The following FBXO9 variants were observed in gnomAD, a reference collection of about 807,000 sequenced individuals.
FBXO9 encodes F-box only protein 9.
Under a neutral mutation model 63.7 loss-of-function variants are expected in FBXO9, and 43 were observed. The ratio of observed to expected loss-of-function variants is 0.67; its 90% CI spans 0.53 to 0.87. The LOEUF is 0.87. Among genes scored for constraint, FBXO9 ranks in the 40% least tolerant of loss-of-function variants. The probability of loss-of-function intolerance (pLI) is 0.00; values close to 1 mark genes in which losing one functional copy is unlikely to be tolerated. For missense variants in FBXO9, 442 were observed against 533.2 expected, an observed-to-expected ratio of 0.83 and a Z score of 1.68; for synonymous variants, 156 against 171.7, an observed-to-expected ratio of 0.91 and a Z score of 0.72.
chr6:53,071,124 C>T lies in FBXO9; in HGVS notation c.71C>T (p.Pro24Leu). The part of the protein sequence containing the change: ...RADDDEENES[P>L]AETDLQAQLQ... ...GATGATGATGAAGAAAATGAAAGTC[C>T]TGCTGAAACAGATCTGCAGGCATGT... The change falls in exon 2 of 13, where the codon CCT (proline) becomes CTT (leucine). Residue 24 changes from proline to leucine, a missense_variant. Physicochemically the swap from Pro to Leu is moderately conservative, Grantham distance 98 (BLOSUM62 -3). Around this residue, in one of 2 missense-constraint regions of FBXO9, gnomAD observed 180 missense variants for 171.1 expected, o/e 1.05. Coordinates refer to ENST00000323557, the MANE Select transcript of FBXO9 (RefSeq NM_033480.3). 1 of 1,563,716 alleles carries T rather than the reference C, an allele frequency of 6.4e-7. No homozygotes were observed. Among genetic ancestry groups the T allele is most frequent in the South Asian group, 1.2e-5 (1 of 84,888 alleles).
chr6:53,066,792 G>A (rs1768718411), intron 1 of FBXO9, among the ~76,000 whole-genome samples: 1 of 152,186 alleles, frequency 6.6e-6, no homozygotes, highest in South Asian at 2.1e-4. Context: ...TCAAGTGAAG[G>A]TGATATTTAG....
Position 53,073,606 on chromosome 6 carries a change from C to T in FBXO9, c.216C>T (p.Thr72=), listed in dbSNP as rs898970767. 1 of 1,602,990 alleles carries T rather than the reference C, an allele frequency of 6.2e-7. No individual in the cohort carries two copies. The highest frequency in any genetic ancestry group is 1.3e-5 in the African/African-American group (1 of 74,540). ...RGSLQKTSAD[T]KGKQEQAKEE... The stretch of plus-strand genomic sequence containing the variant: ...CTCTCCAGAAAACATCGGCAGATAC[C>T]AAAGGAAAACAAGAACAGGCAAAAG... Residue 72 remains threonine (T), a synonymous_variant, in exon 3 of 13, where the codon ACC becomes ACT. Coordinates refer to ENST00000323557, the MANE Select transcript of FBXO9 (RefSeq NM_033480.3).
chr6:53,089,679 CA>C (rs1354123679), intron 7 of FBXO9, among the ~76,000 whole-genome samples: 1 of 152,108 alleles, frequency 6.6e-6, no homozygotes, highest in African/African-American at 2.4e-5. Context: ...CCAGGAAAGA[CA>C]AAAAGTTTAT....
chr6:53,080,626 G>T (rs115120757), intron 5 of FBXO9, among the ~76,000 whole-genome samples: 2 of 152,212 alleles, frequency 1.3e-5, no homozygotes, highest in Non-Finnish European at 2.9e-5. Context: ...ATAAATTAAG[G>T]TTAAAGAACA....
In FBXO9 at chr6:53,089,115, C is replaced by T. The variant is rs879055299; in HGVS notation, c.654-3314C>T. ...TCCAGGCGGAGTGTCGCTCTGCCGC[C>T]CAGGCTGCAGGTGCAGTGGTGCCAT... On this transcript the variant is annotated intron_variant, in intron 7 of 12. Coordinates refer to ENST00000323557, the MANE Select transcript of FBXO9 (RefSeq NM_033480.3). 2.0e-5 allele frequency among the ~76,000 whole-genome samples: 3 copies of T among 151,728 alleles called. No individual in the cohort carries two copies. The East Asian group carries it at 5.8e-4, about 29-fold the overall frequency.
Position 53,099,374 on chromosome 6 carries a change from C to G in FBXO9, c.*1544C>G, listed in dbSNP as rs1032070661. On this transcript the variant is annotated 3_prime_UTR_variant, in exon 13 of 13. Transcript: ENST00000323557. ...TGCCATTCCACTCCAGCCTGAGCAA[C>G]ACAGTGAGACCCTATCTCAAAAAAA... 1 of 151,840 alleles carries G rather than the reference C, an allele frequency of 6.6e-6. No homozygotes were observed. Among genetic ancestry groups the G allele is most frequent in the Non-Finnish European group, 1.5e-5 (1 of 68,086 alleles). The allele number at this position is 151,840 out of a possible 1,614,324, so 9.4% of individuals were successfully genotyped here.
At chr6:53,078,539 A>T (rs755527428) in intron 4 of FBXO9, among the ~76,000 whole-genome samples, 2 of 152,216 alleles carry the variant, frequency 1.3e-5, no homozygotes, top group Non-Finnish European at 1.5e-5. Flanking sequence ...AAAAATCATG[A>T]TACGTAAGAG....
chr6:53,092,130 T>A (rs929163920), intron 7 of FBXO9: 1 of 292,004 alleles, frequency 3.4e-6, no homozygotes, highest in Admixed American at 4.8e-5. Flanking sequence ...TATGATCACC[T>A]TCCCAGAGAG....
chr6:53,067,164 C>A (rs1663795731), intron 1 of FBXO9, among the ~76,000 whole-genome samples: 1 of 152,126 alleles, frequency 6.6e-6, no homozygotes, highest in Non-Finnish European at 1.5e-5. Context: ...ACCAAACCTG[C>A]AAGGTGATTT....
chr6:53,082,635 T>G lies in FBXO9; in HGVS notation c.653+17T>G, dbSNP rs368741117. ...CTGTGCCAGGTACTAAGTTTTTGTT[T>G]TTGTTTTTTAAACAACTGAGGCAAT... On this transcript the variant is annotated intron_variant, in intron 7 of 12. Transcript: ENST00000323557. 2.5e-6 allele frequency: 4 copies of G among 1,584,698 alleles called. No homozygotes were observed. The African/African-American group carries it at 5.4e-5, about 21-fold the overall frequency.
intron 6 of FBXO9, among the ~76,000 whole-genome samples, chr6:53,081,596 T>G (rs1376204264): frequency 6.6e-6 from 1 of 152,224 alleles, no homozygotes; most frequent in Non-Finnish European, 1.5e-5. Context: ...CTTTACAATC[T>G]GAAGCAGAAC....
chr6:53,080,388 A>T (rs969056252), intron 5 of FBXO9, among the ~76,000 whole-genome samples: 15 of 151,806 alleles, frequency 9.9e-5, no homozygotes, highest in African/African-American at 3.4e-4. Flanking sequence ...CCTCTTTGTA[A>T]GTCTGATCAT....
chr6:53,088,412 A>C (rs1435605195), intron 7 of FBXO9, among the ~76,000 whole-genome samples: 1 of 152,210 alleles, frequency 6.6e-6, no homozygotes, highest in Non-Finnish European at 1.5e-5. Context: ...AAATGTGCAC[A>C]ACAATAGGCT....
At chr6:53,078,466 A>G (rs1253209231) in intron 4 of FBXO9, among the ~76,000 whole-genome samples, 2 of 152,196 alleles carry the variant, frequency 1.3e-5, no homozygotes, top group Non-Finnish European at 2.9e-5. Flanking sequence ...CTTAAAAAAG[A>G]GAGAAGTATT....
intron 7 of FBXO9, chr6:53,091,319 G>T (rs1763033269): frequency 1.3e-5 from 2 of 152,070 alleles, no homozygotes; most frequent in Non-Finnish European, 2.9e-5. Context: ...AATACTTTTA[G>T]TTATAGCAGA....
At chr6:53,094,718 C>T in intron 11 of FBXO9, 1 of 431,096 alleles carries the variant, frequency 2.3e-6, no homozygotes, top group Non-Finnish European at 4.7e-6. Flanking sequence ...TCTGCGAGTC[C>T]TATCACCTTG....
rs1768996774 is a variant in FBXO9 at position 53,073,621 on chromosome 6, A to G, written c.231A>G (p.Glu77=). The G allele has an allele frequency of 1.3e-6, 2 of 1,595,782 alleles. No individual in the cohort carries two copies. Residue 77 remains glutamate (E), a synonymous_variant, in exon 3 of 13, where the codon GAA becomes GAG. Transcript: ENST00000323557. ...KTSADTKGKQ[E]QAKEEKAREL... ...CGGCAGATACCAAAGGAAAACAAGA[A>G]CAGGCAAAAGAAGAAAAGTTAAGTA...
chr6:53,088,741 G>A (rs910260845), intron 7 of FBXO9, among the ~76,000 whole-genome samples: 1 of 151,636 alleles, frequency 6.6e-6, no homozygotes, highest in Non-Finnish European at 1.5e-5. Context: ...CGAGATTACA[G>A]GCATGCACCA....
chr6:53,076,895 G>T (rs1385243509), intron 4 of FBXO9, among the ~76,000 whole-genome samples: 1 of 151,336 alleles, frequency 6.6e-6, no homozygotes, highest in Non-Finnish European at 1.5e-5. Flanking sequence ...ATTTGAAATT[G>T]TTTTTTAAAA....
Sources: gnomAD v4.1 joint callset for allele counts (sites outside exome capture counted in the v4.1 genomes callset) on GRCh38, gnomAD v4.1.1 for gene constraint, gnomAD v4.1.1 regional missense constraint, MANE v1.5 for transcripts, NCBI Gene and HGNC (gene_info 2026-07-23, HGNC 2026-07-21) for gene names.